The following ADCY1 variants were observed in gnomAD, a reference collection of about 807,000 sequenced individuals.
ADCY1 encodes the protein adenylate cyclase type 1.
A neutral mutation model predicts 105.4 loss-of-function variants in ADCY1; 28 were observed. The observed-to-expected ratio is 0.27, with a 90% CI of 0.20 to 0.36. The LOEUF is 0.36. Ranked by LOEUF, ADCY1 falls within the 10% of genes least tolerant of loss-of-function variation. ADCY1 has a pLI of 1.00. For synonymous variants in ADCY1, 655 were observed against 623.8 expected (o/e 1.05, Z -0.75); for missense variants, 977 against 1,434.2 (o/e 0.68, Z 5.15).
At chr7:45,592,311 G>T (rs1239937582) in intron 1 of ADCY1, among the ~76,000 whole-genome samples, 1 of 152,194 alleles carries the variant, frequency 6.6e-6, no homozygotes, top group East Asian at 1.9e-4. Context: ...ACAGACAGCC[G>T]CCTTCCCTCT....
intron 7 of ADCY1, 81 bp downstream of exon 7, chr7:45,660,264 C>T: frequency 3.2e-6 from 5 of 1,552,098 alleles, no homozygotes; most frequent in Non-Finnish European, 4.4e-6. Flanking sequence ...ACTCCTCCTG[C>T]TTCCTCTCCA....
chr7:45,696,265 C>T (rs62457565), intron 14 of ADCY1, among the ~76,000 whole-genome samples: 18,662 of 151,652 alleles, frequency 0.12, 1,497 homozygotes, highest in Middle Eastern at 0.2. Context: ...TGTGAAATCC[C>T]GTCTCTACTA....
intron 1 of ADCY1, among the ~76,000 whole-genome samples, chr7:45,592,211 A>G (rs1277984196): frequency 3.3e-5 from 5 of 152,112 alleles, no homozygotes; most frequent in Non-Finnish European, 4.4e-5. Context: ...CTTAAACAAC[A>G]GAAATGGAGA....
rs1028008415 is a variant in ADCY1, at chr7:45,647,746, G to A, written c.1021-924G>A. ...ATTGTCTTTTGTTTGGGGAAATGTC[G>A]TGATTTTTCATAAAATGTTATTTAT... On this transcript the variant is annotated intron_variant, in intron 4 of 19. Transcript: ENST00000297323. This position sits in a 1 kb window ranked among gnomAD's most constrained non-coding sequence, Gnocchi z 4.6. 2.0e-5 allele frequency among the ~76,000 whole-genome samples: 3 copies of A among 152,124 alleles called. No individual in the cohort carries two copies. The highest frequency in any genetic ancestry group is 3.8e-4 in the East Asian group (2 of 5,198).
At chr7:45,667,207 C>T (rs1431916994) in intron 8 of ADCY1, among the ~76,000 whole-genome samples, 7 of 152,148 alleles carry the variant, frequency 4.6e-5, no homozygotes, top group Non-Finnish European at 8.8e-5. Context: ...CTTGCCCATG[C>T]CTATGTCCTG....
intron 2 of ADCY1, among the ~76,000 whole-genome samples, chr7:45,595,783 C>T (rs187687007): frequency 1.3e-5 from 2 of 152,388 alleles, no homozygotes; most frequent in East Asian, 1.9e-4. Context: ...TGATTGAGGA[C>T]GTGCCTTCCC....
At chr7:45,620,181 T>C (rs891721238) in intron 3 of ADCY1, among the ~76,000 whole-genome samples, 2 of 152,210 alleles carry the variant, frequency 1.3e-5, no homozygotes, top group Non-Finnish European at 2.9e-5. Context: ...TTGTATGAGG[T>C]ATTTAAAATA....
At chr7:45,597,874 C>G (rs1372775155) in intron 2 of ADCY1, among the ~76,000 whole-genome samples, 1 of 152,194 alleles carries the variant, frequency 6.6e-6, no homozygotes, top group Middle Eastern at 3.2e-3. Context: ...CTCTGCTGTA[C>G]TTAGGAAAGG....
chr7:45,607,193 T>A (rs1166570956), intron 2 of ADCY1, among the ~76,000 whole-genome samples: 1 of 152,212 alleles, frequency 6.6e-6, no homozygotes, highest in African/African-American at 2.4e-5. Context: ...GAACGTCGTG[T>A]GACAGTGGCT....
rs1042911698 is a variant in ADCY1 at position 45,647,482 on chromosome 7, T to A, written c.1021-1188T>A. ...TCACATTAAATATAAGCCACCGATGTGTTCTCAGAGTGGCTGAAGGAGTTC... is the reference window on the plus strand; with the variant it reads ...TCACATTAAATATAAGCCACCGATGAGTTCTCAGAGTGGCTGAAGGAGTTC... On this transcript the variant is annotated intron_variant, in intron 4 of 19. Transcript: ENST00000297323. The surrounding 1 kb of genome is among the most constrained non-coding windows in gnomAD (Gnocchi z 4.6). Among the ~76,000 whole-genome samples the A allele has an allele frequency of 5.3e-5, 8 of 152,220 alleles. No individual in the cohort carries two copies. The highest frequency in any genetic ancestry group is 1.0e-4 in the Non-Finnish European group (7 of 68,030).
chr7:45,678,326 G>T (rs1398229220), intron 10 of ADCY1, 63 bp downstream of exon 10: 7 of 1,511,278 alleles, frequency 4.6e-6, no homozygotes, highest in Admixed American at 3.3e-5. Context: ...GGGGTTCGTG[G>T]TTGTGTTTCT....
At chr7:45,612,757 G>A (rs1793624924) in intron 3 of ADCY1, among the ~76,000 whole-genome samples, 2 of 152,174 alleles carry the variant, frequency 1.3e-5, no homozygotes, top group Admixed American at 1.3e-4. Flanking sequence ...TGAAGAACAA[G>A]CCTCTATCTC....
At chr7:45,711,078 A>T (rs1180826221) in intron 19 of ADCY1, among the ~76,000 whole-genome samples, 1 of 152,200 alleles carries the variant, frequency 6.6e-6, no homozygotes, top group Non-Finnish European at 1.5e-5. Flanking sequence ...AGGTGGCCTG[A>T]CACATGGTGG....
chr7:45,691,111 T>G lies in ADCY1; in HGVS notation c.2454+4438T>G, dbSNP rs558245643. ...TGGGTTGACATGGCTTTTTCTTGGC[T>G]TTGTTGTTCTTTGAAATGTTATTAA... is the stretch of plus-strand genomic sequence containing the variant. On this transcript the variant is annotated intron_variant, in intron 14 of 19. Transcript: ENST00000297323. Among the ~76,000 whole-genome samples the G allele has an allele frequency of 3.3e-5, 5 of 152,306 alleles. No individual in the cohort carries two copies. In the South Asian group the frequency reaches 1.0e-3, roughly 32 times the overall value.
At chr7:45,657,690 G>T (rs1346712338) in intron 5 of ADCY1, 37 bp from the exon 6 acceptor site, 1 of 1,593,718 alleles carries the variant, frequency 6.3e-7, no homozygotes, top group South Asian at 1.1e-5. Context: ...AGGATACAAG[G>T]TGGGCCCTAG....
chr7:45,696,071 G>T (rs924759232), intron 14 of ADCY1, among the ~76,000 whole-genome samples: 3 of 152,206 alleles, frequency 2.0e-5, no homozygotes, highest in Non-Finnish European at 4.4e-5. Flanking sequence ...AGACCCACCG[G>T]ACATCCCCTA....
chr7:45,704,446 TG>T, intron 16 of ADCY1, 71 bp from the exon 17 acceptor site: 4 of 1,372,650 alleles, frequency 2.9e-6, no homozygotes, highest in Middle Eastern at 1.8e-4. Flanking sequence ...CTGTTGCTCC[TG>T]GGGGCTGACG....
At chr7:45,632,030 T>C (rs1330456304) in intron 4 of ADCY1, among the ~76,000 whole-genome samples, 1 of 152,208 alleles carries the variant, frequency 6.6e-6, no homozygotes, top group Admixed American at 6.5e-5. Flanking sequence ...TTTGTTGTTA[T>C]CTTGATATCT....
chr7:45,696,441 A>G (rs1460742245), intron 14 of ADCY1, among the ~76,000 whole-genome samples: 3 of 104,028 alleles, frequency 2.9e-5, no homozygotes, highest in South Asian at 2.3e-4. Context: ...TCCATCTCAA[A>G]AAAAAAAAAA....
Sources: gnomAD v4.1 joint callset for allele counts (sites outside exome capture counted in the v4.1 genomes callset) on GRCh38, gnomAD v4.1.1 for gene constraint, Gnocchi (gnomAD v3.1) non-coding constraint, MANE v1.5 for transcripts, NCBI Gene and HGNC (gene_info 2026-07-23, HGNC 2026-07-21) for gene names.